Variants in GLYATL1 observed in about 807,000 individuals in gnomAD.
GLYATL1 encodes glycine-N-acyltransferase like 1.
GLYATL1 carries 15 observed loss-of-function variants against 20.0 expected under a neutral mutation model. The observed-to-expected ratio is 0.75, with a 90% CI of 0.50 to 1.15. The LOEUF (loss-of-function observed/expected upper bound fraction) is 1.15. Among genes scored for constraint, GLYATL1 ranks in the 50% most tolerant of loss-of-function variants. The probability of loss-of-function intolerance (pLI) is 0.00; values close to 1 mark genes in which losing one functional copy is unlikely to be tolerated. For synonymous variants in GLYATL1, 151 were observed against 131.5 expected (o/e 1.15, Z -1.01); for missense variants, 380 against 368.5 (o/e 1.03, Z -0.26).
chr11:58,906,028 C>A (rs1356043399), intron 1 of GLYATL1, among the ~76,000 whole-genome samples: 2 of 152,324 alleles, frequency 1.3e-5, no homozygotes, highest in East Asian at 3.9e-4. Context: ...CTTAGACAGG[C>A]AAGAGAGAAG....
intron 4 of GLYATL1, among the ~76,000 whole-genome samples, chr11:58,953,390 G>GTTTTTTTTTTTTT: frequency 9.0e-6 from 1 of 110,974 alleles, no homozygotes; most frequent in Non-Finnish European, 1.9e-5. Flanking sequence ...CTTACAGTCT[G>GTTTTTTTTTTTTT]TTTTTTTTTT....
At chr11:58,938,513 C>T (rs1161646739), upstream of GLYATL1, among the ~76,000 whole-genome samples, 1 of 152,212 alleles carries the variant, frequency 6.6e-6, no homozygotes, top group Non-Finnish European at 1.5e-5. Flanking sequence ...AGAATCCAAG[C>T]TGCCACGAGT....
At chr11:58,919,623 CA>C (rs1208975888) in intron 1 of GLYATL1, among the ~76,000 whole-genome samples, 1 of 152,148 alleles carries the variant, frequency 6.6e-6, no homozygotes, top group African/African-American at 2.4e-5. Context: ...AAGCCTCAAA[CA>C]ACCCCGAAAA....
At chr11:58,955,383 T>C (rs374313281) in intron 6 of GLYATL1, 30 bp downstream of exon 6, 7 of 1,573,240 alleles carry the variant, frequency 4.4e-6, no homozygotes, top group Non-Finnish European at 6.1e-6. Context: ...TCATTTATAA[T>C]TGCGATTCCT....
upstream of GLYATL1, chr11:58,927,491 G>A (rs1718574798): frequency 6.6e-6 from 1 of 152,264 alleles, no homozygotes; most frequent in Non-Finnish European, 1.5e-5. Flanking sequence ...GGCACCCATT[G>A]GCTGTTCCTG....
chr11:58,931,284 G>T (rs984629541), intron 1 of GLYATL1, among the ~76,000 whole-genome samples: 2 of 152,042 alleles, frequency 1.3e-5, no homozygotes, highest in East Asian at 1.9e-4. Context: ...AGGATATCAG[G>T]GGTATTGGAT....
intron 1 of GLYATL1, chr11:58,933,708 A>G (rs538055030): frequency 2.6e-5 from 4 of 152,062 alleles, no homozygotes; most frequent in African/African-American, 9.7e-5. Flanking sequence ...GTGTCTGCAC[A>G]TTTGAAAAAC....
intron 2 of GLYATL1, among the ~76,000 whole-genome samples, chr11:58,944,609 C>A (rs188118133): frequency 6.6e-6 from 1 of 152,160 alleles, no homozygotes; most frequent in East Asian, 1.9e-4. Context: ...AAACAATTTT[C>A]ATGTTTATTT....
upstream of GLYATL1, among the ~76,000 whole-genome samples, chr11:58,938,083 G>T (rs1855917378): frequency 6.6e-6 from 1 of 152,176 alleles, no homozygotes; most frequent in Non-Finnish European, 1.5e-5. Flanking sequence ...GTGTATAAAT[G>T]TATGCTTACA....
At chr11:58,951,362 G>T (rs1447183541) in intron 4 of GLYATL1, among the ~76,000 whole-genome samples, 3 of 151,872 alleles carry the variant, frequency 2.0e-5, no homozygotes. Flanking sequence ...ATATATTTTT[G>T]TATCTGTTTC....
intron 1 of GLYATL1, among the ~76,000 whole-genome samples, chr11:58,940,064 A>G (rs1162305038): frequency 6.6e-6 from 1 of 152,160 alleles, no homozygotes; most frequent in Non-Finnish European, 1.5e-5. Context: ...TAATAAACTG[A>G]CACTCTTTTG....
At chr11:58,954,007 T>A (rs979525540) in intron 4 of GLYATL1, among the ~76,000 whole-genome samples, 3 of 152,176 alleles carry the variant, frequency 2.0e-5, no homozygotes, top group African/African-American at 7.2e-5. Context: ...TACCAAAAAA[T>A]TCAGTTACAT....
intron 2 of GLYATL1, among the ~76,000 whole-genome samples, chr11:58,945,684 TGAGAAACAGAGCAAA>T (rs1565130317): frequency 6.6e-6 from 1 of 151,498 alleles, no homozygotes; most frequent in Non-Finnish European, 1.5e-5. Context: ...TTAAATCAGG[TGAGAAACAGAGCAAA>T]GAAAGCACTT....
In GLYATL1 at chr11:58,955,622, C is replaced by CT. The variant is rs769528560; in HGVS notation, c.507dup (p.Lys170Ter). ...TTGTTGTCTACAGTGAAACTCCCAA[C>CT]TTTAAGTATGCCCAGCTGGATGTCT... On this transcript the variant is annotated frameshift_variant, in exon 7 of 7. Coordinates refer to ENST00000532726, the MANE Select transcript of GLYATL1 (RefSeq NM_001389712.2). LOFTEE classifies it low-confidence loss of function (END_TRUNC). 2.8e-5 allele frequency: 45 copies of CT among 1,613,384 alleles called. No homozygotes were observed. The highest frequency in any genetic ancestry group is 3.6e-5 in the Non-Finnish European group (43 of 1,179,556).
At chr11:58,923,765 C>G (rs1001769874), upstream of GLYATL1, among the ~76,000 whole-genome samples, 1 of 152,142 alleles carries the variant, frequency 6.6e-6, no homozygotes, top group African/African-American at 2.4e-5. Flanking sequence ...TCAGGAGAAC[C>G]TGAAGTGGGG....
At chr11:58,935,755 C>T (rs188814906), upstream of GLYATL1, 1 of 152,088 alleles carries the variant, frequency 6.6e-6, no homozygotes, top group East Asian at 1.9e-4. Context: ...CAAACACACA[C>T]ATATATACAC....
intron 1 of GLYATL1, among the ~76,000 whole-genome samples, chr11:58,917,890 G>T (rs1318621921): frequency 6.6e-6 from 1 of 152,192 alleles, no homozygotes; most frequent in Non-Finnish European, 1.5e-5. Context: ...CTGGGTCCAG[G>T]TTTTGCCTGT....
upstream of GLYATL1, chr11:58,934,835 C>T (rs939542884): frequency 6.6e-6 from 1 of 152,288 alleles, no homozygotes. Context: ...GGCTGCCAAC[C>T]TGGAAATGGG....
chr11:58,918,684 A>G (rs1855237716), intron 1 of GLYATL1, among the ~76,000 whole-genome samples: 1 of 152,144 alleles, frequency 6.6e-6, no homozygotes, highest in Admixed American at 6.5e-5. Context: ...AATATAAGGA[A>G]AGTTATTGGG....
Sources: gnomAD v4.1 joint callset for allele counts (sites outside exome capture counted in the v4.1 genomes callset) on GRCh38, gnomAD v4.1.1 for gene constraint, MANE v1.5 for transcripts, NCBI Gene and HGNC (gene_info 2026-07-23, HGNC 2026-07-21) for gene names.